Variants in ENTREP2 observed in about 807,000 individuals in gnomAD.
ENTREP2 encodes protein ENTREP2.
the ENTREP2 span, among the ~76,000 whole-genome samples, chr15:29,482,397 T>G: frequency 1.1e-4 from 17 of 152,274 alleles, no homozygotes; most frequent in African/African-American, 4.1e-4. Context: ...ACTCTTGGTG[T>G]TGTACATTCT....
chr15:29,293,932 G>T, the ENTREP2 span, among the ~76,000 whole-genome samples: 1 of 152,212 alleles, frequency 6.6e-6, no homozygotes, highest in Non-Finnish European at 1.5e-5. Context: ...TAACTGTGGG[G>T]AAACTGAGGG....
the ENTREP2 span, among the ~76,000 whole-genome samples, chr15:29,668,703 G>A: frequency 7.9e-5 from 12 of 152,220 alleles, no homozygotes; most frequent in Admixed American, 5.9e-4. Context: ...GAGCTTCAAG[G>A]TCTCTCTCCT....
chr15:29,562,330 G>A, the ENTREP2 span, among the ~76,000 whole-genome samples: 1 of 152,206 alleles, frequency 6.6e-6, no homozygotes, highest in East Asian at 1.9e-4. Flanking sequence ...ATTTGGAGAG[G>A]TTTATGATGA....
chr15:29,287,345 T>A, the ENTREP2 span, among the ~76,000 whole-genome samples: 3 of 129,844 alleles, frequency 2.3e-5, no homozygotes, highest in East Asian at 4.5e-4. Flanking sequence ...TTGCTCCAGC[T>A]ACACTGCAAT....
chr15:29,537,819 A>G, the ENTREP2 span, among the ~76,000 whole-genome samples: 1 of 151,840 alleles, frequency 6.6e-6, no homozygotes, highest in Non-Finnish European at 1.5e-5. Flanking sequence ...ATTGTTTCCC[A>G]TTGCTCCCCC....
At chr15:29,397,812 A>G in the ENTREP2 span, among the ~76,000 whole-genome samples, 1 of 152,204 alleles carries the variant, frequency 6.6e-6, no homozygotes, top group Non-Finnish European at 1.5e-5. Context: ...GAGGGAAAAA[A>G]GGGGGAACTT....
the ENTREP2 span, among the ~76,000 whole-genome samples, chr15:29,293,420 T>C: frequency 8.3e-6 from 1 of 121,170 alleles, no homozygotes; most frequent in Non-Finnish European, 2.0e-5. Flanking sequence ...GCTAATTTTT[T>C]GTATTTTTTT....
chr15:29,197,063 C>G, the ENTREP2 span, among the ~76,000 whole-genome samples: 3 of 152,200 alleles, frequency 2.0e-5, no homozygotes, highest in South Asian at 2.1e-4. Flanking sequence ...CTGACTTTAT[C>G]CAGCTACAGG....
At chr15:29,120,992 A>C in the ENTREP2 span, 2 of 152,272 alleles carry the variant, frequency 1.3e-5, no homozygotes, top group African/African-American at 4.8e-5. Context: ...AGAGTCCATG[A>C]GTGGCCCTGA....
At chr15:29,536,013 C>T in the ENTREP2 span, among the ~76,000 whole-genome samples, 1 of 152,128 alleles carries the variant, frequency 6.6e-6, no homozygotes, top group Non-Finnish European at 1.5e-5. Context: ...TTCCCTCTTC[C>T]CTCGGACAGA....
the ENTREP2 span, among the ~76,000 whole-genome samples, chr15:29,409,643 T>C: frequency 6.6e-6 from 1 of 151,894 alleles, no homozygotes; most frequent in African/African-American, 2.4e-5. Context: ...TTTTTTTTTT[T>C]TTAAAGACAG....
the ENTREP2 span, among the ~76,000 whole-genome samples, chr15:29,227,314 C>T: frequency 3.5e-4 from 54 of 152,302 alleles, no homozygotes; most frequent in Non-Finnish European, 6.8e-4. Context: ...GAATAGCAAA[C>T]AAAGGTGATC....
chr15:29,212,828 C>T, the ENTREP2 span, among the ~76,000 whole-genome samples: 1 of 152,218 alleles, frequency 6.6e-6, no homozygotes, highest in African/African-American at 2.4e-5. Context: ...GCTTCTGTTG[C>T]CATTACTTTT....
chr15:29,395,827 C>G, the ENTREP2 span, among the ~76,000 whole-genome samples: 1 of 152,042 alleles, frequency 6.6e-6, no homozygotes, highest in Non-Finnish European at 1.5e-5. Context: ...AGCCACCACG[C>G]CAGCCATTGT....
chr15:29,385,887 G>A, the ENTREP2 span, among the ~76,000 whole-genome samples: 1 of 152,240 alleles, frequency 6.6e-6, no homozygotes, highest in East Asian at 1.9e-4. Context: ...ATGGACACAA[G>A]CAGCTGGATG....
the ENTREP2 span, among the ~76,000 whole-genome samples, chr15:29,632,452 A>G: frequency 1.3e-5 from 2 of 152,168 alleles, no homozygotes; most frequent in Admixed American, 6.6e-5. Flanking sequence ...AAATACAGAA[A>G]TGTCTTATAA....
the ENTREP2 span, among the ~76,000 whole-genome samples, chr15:29,653,000 T>C: frequency 1.4e-4 from 21 of 152,288 alleles, no homozygotes; most frequent in African/African-American, 5.1e-4. Flanking sequence ...AGAAAGGTTC[T>C]TAATAACAGA....
At chr15:29,443,266 T>C in the ENTREP2 span, among the ~76,000 whole-genome samples, 1 of 152,124 alleles carries the variant, frequency 6.6e-6, no homozygotes, top group African/African-American at 2.4e-5. Flanking sequence ...ACCACTGTCA[T>C]TGGAATCCTT....
At chr15:29,599,241 TTAAG>T in the ENTREP2 span, among the ~76,000 whole-genome samples, 1 of 152,328 alleles carries the variant, frequency 6.6e-6, no homozygotes, top group East Asian at 1.9e-4. Context: ...CACAGAAAGC[TTAAG>T]TAAGAGAAAT....
Sources: allele counts gnomAD v4.1 joint callset (sites outside exome capture counted in the v4.1 genomes callset), GRCh38; gene constraint gnomAD v4.1.1; transcripts MANE v1.5; gene names NCBI Gene and HGNC (gene_info 2026-07-23, HGNC 2026-07-21).